PBLD: variants seen among roughly 807,000 people sequenced by gnomAD.
PBLD encodes the protein phenazine biosynthesis like protein domain containing, also known as phenazine biosynthesis-like domain-containing protein.
PBLD carries 26 observed loss-of-function variants against 31.3 expected under a neutral mutation model. The ratio of observed to expected loss-of-function variants is 0.83; its 90% CI spans 0.61 to 1.15. The LOEUF (loss-of-function observed/expected upper bound fraction) is 1.15. PBLD is among the 50% of genes most tolerant of loss of function. The pLI is 0.00. For missense variants in PBLD, 307 were observed against 351.7 expected (o/e 0.87, Z 1.02); for synonymous variants, 114 against 129.0 (o/e 0.88, Z 0.79).
chr10:68,288,326 A>G, intron 8 of PBLD, 157 bp downstream of exon 8: 1 of 751,336 alleles, frequency 1.3e-6, no homozygotes, highest in South Asian at 2.0e-5. Flanking sequence ...TTCATGGAAG[A>G]CTTCAGTGAA....
At chr10:68,330,666 C>T (rs1205381007) in intron 1 of PBLD, among the ~76,000 whole-genome samples, 1 of 151,832 alleles carries the variant, frequency 6.6e-6, no homozygotes, top group African/African-American at 2.4e-5. Flanking sequence ...CTGCCTCAGC[C>T]TCCTGAGTAG....
At chr10:68,300,129 A>G (rs973368465) in intron 2 of PBLD, among the ~76,000 whole-genome samples, 1 of 152,020 alleles carries the variant, frequency 6.6e-6, no homozygotes, top group African/African-American at 2.4e-5. Flanking sequence ...GAGCTCAGGC[A>G]ATGCGCCCAT....
chr10:68,315,576 C>CAA (rs112264819), intron 1 of PBLD, among the ~76,000 whole-genome samples: 1 of 110,306 alleles, frequency 9.1e-6, no homozygotes, highest in Admixed American at 9.5e-5. Flanking sequence ...AGTCTGTCTC[C>CAA]AAAAAAAAAA....
intron 1 of PBLD, among the ~76,000 whole-genome samples, chr10:68,322,540 TGTA>T (rs1195450146): frequency 1.3e-5 from 2 of 149,570 alleles, no homozygotes; most frequent in Non-Finnish European, 3.0e-5. Context: ...GGCACACACC[TGTA>T]GTCCCAGCTA....
intron 6 of PBLD, 55 bp downstream of exon 6, chr10:68,291,955 T>C: frequency 6.7e-7 from 1 of 1,497,288 alleles, no homozygotes; most frequent in Non-Finnish European, 9.3e-7. Flanking sequence ...ATACCAAATC[T>C]TTGTGTGCAA....
intron 2 of PBLD, among the ~76,000 whole-genome samples, chr10:68,300,928 C>T (rs1333739619): frequency 6.6e-6 from 1 of 152,076 alleles, no homozygotes; most frequent in Non-Finnish European, 1.5e-5. Flanking sequence ...GACGGAATCT[C>T]GCTCTGTCAC....
chr10:68,302,757 C>T (rs1589657999), intron 2 of PBLD, among the ~76,000 whole-genome samples: 7 of 151,436 alleles, frequency 4.6e-5, no homozygotes, highest in African/African-American at 1.7e-4. Flanking sequence ...AGGCGGATAG[C>T]TTGAGCCCAG....
At chr10:68,293,482 C>T (rs1477573311) in intron 4 of PBLD, among the ~76,000 whole-genome samples, 1 of 152,150 alleles carries the variant, frequency 6.6e-6, no homozygotes, top group Non-Finnish European at 1.5e-5. Flanking sequence ...AAACTTAAAC[C>T]ACATGTCAAA....
chr10:68,293,867 T>A (rs1420188438), intron 4 of PBLD, among the ~76,000 whole-genome samples: 2 of 94,370 alleles, frequency 2.1e-5, no homozygotes, highest in Non-Finnish European at 5.1e-5. Context: ...CCCAGCTACT[T>A]GGGAGGCTGA....
At chr10:68,291,450 C>T (rs947131445) in intron 6 of PBLD, among the ~76,000 whole-genome samples, 2 of 152,118 alleles carry the variant, frequency 1.3e-5, no homozygotes, top group Admixed American at 1.3e-4. Context: ...CAAAGCACAG[C>T]CCTCCCCCAC....
In PBLD at chr10:68,306,895, T is replaced by C; in HGVS notation, c.-51A>G. ...TTCTCAAAATTGCTGGTAGCCTGCTTTACGTCTTCTTCTTGGAAAAGGAAA... is the reference window on the plus strand; with the variant it reads ...TTCTCAAAATTGCTGGTAGCCTGCTCTACGTCTTCTTCTTGGAAAAGGAAA... On this transcript the variant is annotated 5_prime_UTR_variant, in exon 2 of 10. Coordinates refer to ENST00000358769, the MANE Select transcript of PBLD (RefSeq NM_022129.4). The C allele has an allele frequency of 7.2e-7, 1 of 1,393,148 alleles. No homozygotes were observed. Among genetic ancestry groups the C allele is most frequent in the Non-Finnish European group, 1.0e-6 (1 of 988,568 alleles). The allele number at this position is 1,393,148 out of a possible 1,614,324, so 86.3% of individuals were successfully genotyped here. A position where few individuals can be genotyped will look rare whatever the true frequency, so the allele number is the denominator to read the frequency against.
chr10:68,289,813 G>A (rs1404865602), intron 6 of PBLD, among the ~76,000 whole-genome samples: 12 of 152,074 alleles, frequency 7.9e-5, no homozygotes, highest in African/African-American at 1.9e-4. Flanking sequence ...AAATAAAATC[G>A]TATATGTGGA....
intron 1 of PBLD, among the ~76,000 whole-genome samples, chr10:68,330,179 G>T (rs555253382): frequency 6.6e-6 from 1 of 151,982 alleles, no homozygotes; most frequent in Non-Finnish European, 1.5e-5. Context: ...TGGGCCATTG[G>T]GGGTATGTGA....
At chr10:68,319,111 G>GAGA (rs1554860577) in intron 1 of PBLD, among the ~76,000 whole-genome samples, 1 of 115,514 alleles carries the variant, frequency 8.7e-6, no homozygotes, top group African/African-American at 3.2e-5. Context: ...AAGAAAGAAA[G>GAGA]GAAAAAGAAA....
intron 1 of PBLD, among the ~76,000 whole-genome samples, chr10:68,327,931 C>T (rs1207723937): frequency 6.6e-6 from 1 of 151,962 alleles, no homozygotes; most frequent in Non-Finnish European, 1.5e-5. Flanking sequence ...TGCTTTCTTC[C>T]TTTTGAGTTT....
Position 68,317,965 on chromosome 10 carries a change from C to T in PBLD, c.-59-11062G>A, listed in dbSNP as rs189157520. ...AAGTAAGGCCGGGCACGGTGGCTCACGCCTGTAATCCCAGCACTTTGGGTG... is the reference window on the plus strand; with the variant it reads ...AAGTAAGGCCGGGCACGGTGGCTCATGCCTGTAATCCCAGCACTTTGGGTG... On this transcript the variant is annotated intron_variant, in intron 1 of 9. Transcript: ENST00000358769. Among the ~76,000 whole-genome samples, 472 of 152,144 alleles carry T rather than the reference C, an allele frequency of 3.1e-3. 20 individuals are homozygous for T. In the South Asian group the frequency reaches 0.081, roughly 26 times the overall value.
chr10:68,302,942 A>G (rs2044524588), intron 2 of PBLD, among the ~76,000 whole-genome samples: 1 of 151,118 alleles, frequency 6.6e-6, no homozygotes, highest in Admixed American at 6.6e-5. Context: ...TTTTTTACCC[A>G]GCTATCATCA....
intron 1 of PBLD, among the ~76,000 whole-genome samples, chr10:68,310,434 AC>A (rs1390195342): frequency 1.3e-5 from 2 of 149,168 alleles, no homozygotes; most frequent in East Asian, 2.1e-4. Flanking sequence ...GCATCACCTC[AC>A]ATAATCATTA....
rs563208551 is a variant in PBLD at position 68,318,922 on chromosome 10, C to T, written c.-59-12019G>A. Among the ~76,000 whole-genome samples, 10 of 149,308 alleles carry T rather than the reference C, an allele frequency of 6.7e-5. No individual in the cohort carries two copies. In the South Asian group the frequency reaches 2.1e-3, roughly 32 times the overall value. On this transcript the variant is annotated intron_variant, in intron 1 of 9. Coordinates refer to ENST00000358769, the MANE Select transcript of PBLD (RefSeq NM_022129.4). ...CTCCAGCCTCAGCAACAGAGTGAGA[C>T]TTTGTCTCAAAGAAGAAGAAAGAAA...
Sources: gnomAD v4.1 joint callset for allele counts (sites outside exome capture counted in the v4.1 genomes callset) on GRCh38, gnomAD v4.1.1 for gene constraint, MANE v1.5 for transcripts, NCBI Gene and HGNC (gene_info 2026-07-23, HGNC 2026-07-21) for gene names.